Variants in BBIP1 observed in about 807,000 individuals in gnomAD.
The protein encoded by BBIP1 is BBSome-interacting protein 1.
In BBIP1, 6 loss-of-function variants were observed where a neutral mutation model predicts 8.9. The ratio of observed to expected loss-of-function variants is 0.67; its 90% confidence interval spans 0.37 to 1.33. The LOEUF is 1.33. BBIP1 is among the 40% of genes most tolerant of loss of function. BBIP1 has a pLI of 0.02. For missense variants in BBIP1, 111 were observed against 109.2 expected, an observed-to-expected ratio of 1.02 and a Z score of -0.07; for synonymous variants, 32 against 33.4, an observed-to-expected ratio of 0.96 and a Z score of 0.14.
chr10:110,916,246 C>A (rs1846398235), intron 2 of BBIP1, among the ~76,000 whole-genome samples: 2 of 152,224 alleles, frequency 1.3e-5, no homozygotes, highest in Non-Finnish European at 2.9e-5. Context: ...CTATACCAAT[C>A]TAAAAAATTC....
chr10:110,913,273 G>A (rs1351349495), intron 2 of BBIP1, among the ~76,000 whole-genome samples: 1 of 152,172 alleles, frequency 6.6e-6, no homozygotes, highest in Non-Finnish European at 1.5e-5. Flanking sequence ...CAAGTGATAA[G>A]TGGATGTAAA....
intron 2 of BBIP1, chr10:110,902,784 A>G (rs1205194708): frequency 6.6e-6 from 1 of 152,266 alleles, no homozygotes; most frequent in Admixed American, 6.5e-5. Context: ...TGAAATAAGT[A>G]ATGGACCAGG....
At chr10:110,919,334 C>CG (rs2134058187), upstream of BBIP1, 1 of 366,402 alleles carries the variant, frequency 2.7e-6, no homozygotes, top group African/African-American at 2.1e-5. Context: ...TAGCCAGAGG[C>CG]GCCCAGTGGG....
rs1474987377 is a variant in BBIP1, at chr10:110,899,417, T to C, written c.*943A>G. The C allele has an allele frequency of 1.3e-5, 2 of 152,362 alleles. No individual in the cohort carries two copies. The highest frequency in any genetic ancestry group is 4.8e-5 in the African/African-American group (2 of 41,594). The allele number at this position is 152,362 out of a possible 1,614,324, so 9.4% of individuals were successfully genotyped here. On this transcript the variant is annotated 3_prime_UTR_variant, in exon 4 of 4. Transcript: ENST00000448814. ...TTTTAATTGTTTGACACTTGGATGA[T>C]AAATGCAGTCATTTTATTCTCAAGT...
chr10:110,903,359 C>T (rs1846051982), intron 2 of BBIP1: 5 of 152,230 alleles, frequency 3.3e-5, no homozygotes, highest in Admixed American at 3.3e-4. Flanking sequence ...GACTAAGCTG[C>T]CATTGTTACT....
chr10:110,904,445 C>G (rs1431910367), intron 2 of BBIP1: 1 of 152,158 alleles, frequency 6.6e-6, no homozygotes, highest in Non-Finnish European at 1.5e-5. Context: ...AGAAGAAAAT[C>G]ATGATGACCT....
chr10:110,901,781 A>G, intron 2 of BBIP1, 169 bp from the exon 3 acceptor site: 1 of 603,200 alleles, frequency 1.7e-6, no homozygotes, highest in Non-Finnish European at 3.0e-6. Flanking sequence ...AGTTTGTATA[A>G]GCATTTAGAT....
intron 2 of BBIP1, chr10:110,911,528 T>G (rs1181014718): frequency 6.6e-6 from 1 of 151,842 alleles, no homozygotes. Context: ...TGAAAAAACT[T>G]TTATCACCAT....
At chr10:110,918,062 G>C in intron 2 of BBIP1, 59 bp downstream of exon 2, 1 of 1,419,372 alleles carries the variant, frequency 7.0e-7, no homozygotes, top group Non-Finnish European at 9.6e-7. Flanking sequence ...ATTAAGTCGA[G>C]AAGGTAGGTT....
chr10:110,909,459 G>A (rs900954926), intron 2 of BBIP1, among the ~76,000 whole-genome samples: 1 of 152,218 alleles, frequency 6.6e-6, no homozygotes, highest in Non-Finnish European at 1.5e-5. Flanking sequence ...CTCCCAAAGT[G>A]CTGGGATTAC....
At chr10:110,911,123 C>G (rs1444933684) in intron 2 of BBIP1, 4 of 152,146 alleles carry the variant, frequency 2.6e-5, no homozygotes, top group Admixed American at 6.5e-5. Context: ...TTAGACCAAA[C>G]CCTGCATGAG....
At chr10:110,905,051 T>C (rs1369016624) in intron 2 of BBIP1, 2 of 152,230 alleles carry the variant, frequency 1.3e-5, no homozygotes, top group Non-Finnish European at 2.9e-5. Context: ...CCAGAGATAA[T>C]AGTTTTGATG....
chr10:110,909,022 A>T (rs115719331), intron 2 of BBIP1, among the ~76,000 whole-genome samples: 1 of 152,208 alleles, frequency 6.6e-6, no homozygotes, highest in Non-Finnish European at 1.5e-5. Context: ...TACACTGTGA[A>T]ATCATAAAGC....
intron 2 of BBIP1, among the ~76,000 whole-genome samples, chr10:110,909,817 T>C (rs1846232702): frequency 6.6e-6 from 1 of 152,212 alleles, no homozygotes; most frequent in African/African-American, 2.4e-5. Flanking sequence ...CATTACTCTT[T>C]CAGAGTAGAA....
At chr10:110,909,672 T>C (rs1053614209) in intron 2 of BBIP1, among the ~76,000 whole-genome samples, 1 of 152,190 alleles carries the variant, frequency 6.6e-6, no homozygotes, top group East Asian at 1.9e-4. Context: ...GTATAAATCT[T>C]TACAGTGGAC....
At chr10:110,917,474 A>G (rs1232304457) in intron 2 of BBIP1, among the ~76,000 whole-genome samples, 1 of 152,220 alleles carries the variant, frequency 6.6e-6, no homozygotes, top group Non-Finnish European at 1.5e-5. Flanking sequence ...ACTGCTGCAT[A>G]TAGATGATGG....
rs894326185 is a variant in BBIP1 at position 110,918,359 on chromosome 10, A to C, written c.-56-146T>G. Reference sequence around the variant, plus strand: ...GCAGTCAAAGCTTACAAAGACTCAAAGGAGAGACGCGGAAAGGGGGGAAAA... The same window carrying C: ...GCAGTCAAAGCTTACAAAGACTCAACGGAGAGACGCGGAAAGGGGGGAAAA... On this transcript the variant is annotated intron_variant, in intron 1 of 3. Transcript: ENST00000448814. 11 of 555,834 alleles carry C rather than the reference A, an allele frequency of 2.0e-5. No homozygotes were observed. The African/African-American group carries it at 2.1e-4, about 11-fold the overall frequency. 34.4% of individuals were successfully genotyped at this position (555,834 alleles called of 1,614,324 possible).
intron 2 of BBIP1, among the ~76,000 whole-genome samples, chr10:110,914,223 A>T (rs952607750): frequency 1.3e-5 from 2 of 152,146 alleles, no homozygotes; most frequent in Admixed American, 6.5e-5. Flanking sequence ...GTCAGGAGCA[A>T]TCATGGCCAT....
rs1846466027 is a variant in BBIP1, at chr10:110,918,012, A to T, written c.37+109T>A. On this transcript the variant is annotated intron_variant, in intron 2 of 3. Coordinates refer to ENST00000448814, the MANE Select transcript of BBIP1 (RefSeq NM_001195305.3). ...TAATTAACAGCAAAGAAACAAGAGTAGTTCATTTTGGCTGGCGTGTAAGTA... is the reference window on the plus strand; with the variant it reads ...TAATTAACAGCAAAGAAACAAGAGTTGTTCATTTTGGCTGGCGTGTAAGTA... 3.4e-6 allele frequency: 3 copies of T among 887,356 alleles called. No homozygotes were observed. The South Asian group carries it at 4.4e-5, about 13-fold the overall frequency. 55.0% of individuals were successfully genotyped at this position (887,356 alleles called of 1,614,324 possible).
Sources: gnomAD v4.1 joint callset for allele counts (sites outside exome capture counted in the v4.1 genomes callset) on GRCh38, gnomAD v4.1.1 for gene constraint, MANE v1.5 for transcripts, NCBI Gene and HGNC (gene_info 2026-07-23, HGNC 2026-07-21) for gene names.